Variants in ESR2 observed in about 807,000 individuals in gnomAD.
ESR2 encodes the protein estrogen receptor beta.
A neutral mutation model predicts 49.6 loss-of-function variants in ESR2; 36 were observed. The observed-to-expected ratio is 0.73, with a 90% CI of 0.56 to 0.96. The LOEUF (loss-of-function observed/expected upper bound fraction) is 0.96. Among genes scored for constraint, ESR2 ranks in the 40% least tolerant of loss-of-function variants. The pLI, the probability that ESR2 is intolerant of heterozygous loss-of-function variation, is 0.00. For synonymous variants in ESR2, 320 were observed against 266.1 expected, an observed-to-expected ratio of 1.20 and a Z score of -1.97; for missense variants, 714 against 693.0, an observed-to-expected ratio of 1.03 and a Z score of -0.34.
chr14:64,302,475 C>T (rs948923916), intron 1 of ESR2, among the ~76,000 whole-genome samples: 2 of 152,014 alleles, frequency 1.3e-5, no homozygotes, highest in African/African-American at 4.8e-5. Context: ...GTGTGAGGCA[C>T]CGCGCCCGGC....
chr14:64,293,834 A>T (rs1329598885), intron 1 of ESR2, among the ~76,000 whole-genome samples, 199 bp downstream of exon 1: 5 of 152,196 alleles, frequency 3.3e-5, no homozygotes, highest in Non-Finnish European at 5.9e-5. Context: ...CACAAACTAA[A>T]TAAGTTAACT....
chr14:64,299,648 C>T (rs2077000626), intron 1 of ESR2, among the ~76,000 whole-genome samples: 2 of 152,180 alleles, frequency 1.3e-5, no homozygotes, highest in Admixed American at 1.3e-4. Context: ...AGGCGTCAGC[C>T]ACCGCGCCCA....
Position 64,231,124 on chromosome 14 carries a change from T to A in ESR2, c.*2013A>T, listed in dbSNP as rs547304010. Reference sequence around the variant, plus strand: ...GAGTCAAACTCATGGGCTCAAGTGGTTCGCCCACCTCGGCCTCCCAAAGTG... The same window carrying A: ...GAGTCAAACTCATGGGCTCAAGTGGATCGCCCACCTCGGCCTCCCAAAGTG... On this transcript the variant is annotated 3_prime_UTR_variant, in exon 9 of 9. Coordinates refer to ENST00000341099, the MANE Select transcript of ESR2 (RefSeq NM_001437.3). 1 of 152,088 alleles carries A rather than the reference T, an allele frequency of 6.6e-6. No homozygotes were observed. Among genetic ancestry groups the A allele is most frequent in the Non-Finnish European group, 1.5e-5 (1 of 68,030 alleles). The allele number at this position is 152,088 out of a possible 1,614,324, so 9.4% of individuals were successfully genotyped here.
rs1419628081 is a variant in ESR2 at position 64,230,759 on chromosome 14, GCTC to G, written c.*2375_*2377del. 2.0e-5 allele frequency among the ~76,000 whole-genome samples: 3 copies of G among 151,068 alleles called. No individual in the cohort carries two copies. Among genetic ancestry groups the G allele is most frequent in the Non-Finnish European group, 1.5e-5 (1 of 67,868 alleles). ...CTCAGCTGGAAACTCACTGTGCGGC[GCTC>G]CTGATACTGCCCACTCGAGGCTCTA... On this transcript the variant is annotated 3_prime_UTR_variant, in exon 9 of 9. Transcript: ENST00000341099.
intron 1 of ESR2, chr14:64,337,325 A>C (rs1028860666): frequency 2.0e-5 from 3 of 152,270 alleles, no homozygotes; most frequent in African/African-American, 7.2e-5. Flanking sequence ...GCATTTCCTC[A>C]GCATAAAAAC....
chr14:64,242,512 G>T (rs2075755230), intron 7 of ESR2, among the ~76,000 whole-genome samples: 1 of 150,214 alleles, frequency 6.7e-6, no homozygotes, highest in Admixed American at 6.6e-5. Flanking sequence ...TATGAATTTT[G>T]ATTGATTTTC....
Position 64,238,768 on chromosome 14 carries a change from CA to C in ESR2, c.1226-3619del, listed in dbSNP as rs756488665. 1.9e-4 allele frequency among the ~76,000 whole-genome samples: 28 copies of C among 145,824 alleles called. No individual in the cohort carries two copies. In the East Asian group the frequency reaches 2.4e-3, roughly 13 times the overall value. ...AGAAGTATAGTTTAAAAAAAAAAAA[CA>C]AAAAAAACCAAGATCTTGGCACCAT... On this transcript the variant is annotated intron_variant, in intron 7 of 8. Transcript: ENST00000341099.
At chr14:64,227,781 A>AAAG, downstream of ESR2, 5 of 1,538,874 alleles carry the variant, frequency 3.2e-6, no homozygotes, top group Admixed American at 1.0e-4. Context: ...TCTTTCACTC[A>AAAG]AAGCTCAGTG....
At chr14:64,302,118 C>G (rs1328386588) in intron 1 of ESR2, among the ~76,000 whole-genome samples, 1 of 152,084 alleles carries the variant, frequency 6.6e-6, no homozygotes, top group Non-Finnish European at 1.5e-5. Flanking sequence ...TCCCATTTCA[C>G]AGGGTCATAA....
At chr14:64,312,754 A>G (rs889462893) in intron 1 of ESR2, among the ~76,000 whole-genome samples, 4 of 151,968 alleles carry the variant, frequency 2.6e-5, no homozygotes, top group African/African-American at 9.7e-5. Flanking sequence ...TAAAAATACA[A>G]AAAAATTATC....
chr14:64,313,752 G>A (rs915466727), intron 1 of ESR2, among the ~76,000 whole-genome samples: 6 of 150,974 alleles, frequency 4.0e-5, no homozygotes, highest in African/African-American at 1.2e-4. Flanking sequence ...GGTGGCGGGT[G>A]CCTGTAGTCC....
At chr14:64,307,979 C>G (rs2077130127) in intron 1 of ESR2, among the ~76,000 whole-genome samples, 2 of 151,884 alleles carry the variant, frequency 1.3e-5, no homozygotes, top group South Asian at 4.2e-4. Context: ...TTAACTTACT[C>G]TTTTTCTAAT....
intron 1 of ESR2, among the ~76,000 whole-genome samples, chr14:64,328,615 T>A (rs373335293): frequency 6.6e-6 from 1 of 152,158 alleles, no homozygotes; most frequent in Non-Finnish European, 1.5e-5. Context: ...AGGGAATACT[T>A]GAGGCTGAGT....
intron 7 of ESR2, among the ~76,000 whole-genome samples, chr14:64,247,101 G>C (rs999854460): frequency 2.0e-5 from 3 of 152,140 alleles, no homozygotes; most frequent in African/African-American, 4.8e-5. Flanking sequence ...CTAATGTATG[G>C]TCTGTTGCCC....
chr14:64,276,236 A>G (rs951113857), intron 3 of ESR2, among the ~76,000 whole-genome samples: 3 of 152,216 alleles, frequency 2.0e-5, no homozygotes, highest in Admixed American at 2.0e-4. Context: ...CATACATGTA[A>G]TAATAGGTTA....
intron 7 of ESR2, among the ~76,000 whole-genome samples, chr14:64,247,146 C>T (rs886986090): frequency 1.3e-5 from 2 of 152,156 alleles, no homozygotes; most frequent in African/African-American, 4.8e-5. Flanking sequence ...TGAGTGTAAG[C>T]ATTTAGGAAC....
At chr14:64,269,752 T>C (rs550282102) in intron 3 of ESR2, among the ~76,000 whole-genome samples, 1 of 152,316 alleles carries the variant, frequency 6.6e-6, no homozygotes, top group South Asian at 2.1e-4. Flanking sequence ...CCCATTGTAG[T>C]AAAATCCTAA....
At chr14:64,288,176 T>C (rs937704578) in intron 1 of ESR2, among the ~76,000 whole-genome samples, 1 of 152,278 alleles carries the variant, frequency 6.6e-6, no homozygotes, top group South Asian at 2.1e-4. Flanking sequence ...AGAAAGCTTT[T>C]TGTACACATG....
chr14:64,293,701 C>G (rs955040021), intron 1 of ESR2, among the ~76,000 whole-genome samples: 1 of 152,192 alleles, frequency 6.6e-6, no homozygotes, highest in Non-Finnish European at 1.5e-5. Context: ...AAAGTTCAAT[C>G]AGAAAGTGTA....
Sources: allele counts gnomAD v4.1 joint callset (sites outside exome capture counted in the v4.1 genomes callset), GRCh38; gene constraint gnomAD v4.1.1; transcripts MANE v1.5; gene names NCBI Gene and HGNC (gene_info 2026-07-23, HGNC 2026-07-21).